The following STK36 variants were observed in gnomAD, a reference collection of about 807,000 sequenced individuals.
STK36 encodes the protein serine/threonine kinase 36.
A neutral mutation model predicts 142.2 loss-of-function variants in STK36; 116 were observed. The ratio of observed to expected loss-of-function variants is 0.82; its 90% CI spans 0.70 to 0.95. The LOEUF is 0.95. Ranked by LOEUF, STK36 falls within the 40% of genes least tolerant of loss-of-function variation. STK36 has a pLI of 0.00. For synonymous variants in STK36, 619 were observed against 641.7 expected (o/e 0.96, Z 0.53); for missense variants, 1,422 against 1,617.2 (o/e 0.88, Z 2.07).
chr2:218,679,905 A>G lies in STK36; in HGVS notation c.961A>G (p.Thr321Ala), dbSNP rs750658966. 4.3e-6 allele frequency: 7 copies of G among 1,613,790 alleles called. No homozygotes were observed. In the African/African-American group the frequency reaches 9.3e-5, roughly 22 times the overall value. ...CTACCTCCCACAGAAACATCAGAAC[A>G]CAGGACCTGCCCTTGAGCAAGAGGA... ...EEAMQKKHQN[T>A]GPALEQEDKT... Residue 321 changes from threonine (T) to alanine (A), a missense_variant, in exon 9 of 27, where the codon ACA becomes GCA. This residue lies in a region of STK36 where 460 missense variants were observed against 449.6 expected (regional missense o/e 1.02). Transcript: ENST00000295709.
In STK36 at chr2:218,698,703, C is replaced by T. The variant is rs1365998648; in HGVS notation, c.3159C>T (p.Asn1053=). ...MDPTSLNQFV[N]TVSASPRTIV... Reference sequence around the variant, plus strand: ...CCACCTCTCTCAACCAGTTTGTGAACACAGTGTCTGCCTCCCCTAGAACCA... The same window carrying T: ...CCACCTCTCTCAACCAGTTTGTGAATACAGTGTCTGCCTCCCCTAGAACCA... Residue 1053 remains asparagine (N), a synonymous_variant, in exon 26 of 27, where the codon AAC becomes AAT. Transcript: ENST00000295709. The T allele has an allele frequency of 6.2e-7, 1 of 1,614,104 alleles. No homozygotes were observed. The highest frequency in any genetic ancestry group is 1.3e-5 in the African/African-American group (1 of 74,936).
intron 6 of STK36, 46 bp downstream of exon 6, chr2:218,676,324 CT>C (rs1940243768): frequency 1.2e-6 from 2 of 1,601,376 alleles, no homozygotes; most frequent in Non-Finnish European, 1.7e-6. Context: ...AGAAATCTGT[CT>C]CCCTCTATCT....
At chr2:218,696,482 C>G in intron 21 of STK36, 45 bp from the exon 22 acceptor site, 1 of 1,571,044 alleles carries the variant, frequency 6.4e-7, no homozygotes, top group Non-Finnish European at 8.8e-7. Flanking sequence ...AACGGACACC[C>G]CATTCCTCTT....
chr2:218,698,533 G>A, intron 25 of STK36, 69 bp from the exon 26 acceptor site: 2 of 1,537,368 alleles, frequency 1.3e-6, no homozygotes, highest in East Asian at 2.3e-5. Context: ...TCTCTCCCAG[G>A]TTTTGGGCTT....
intron 26 of STK36, among the ~76,000 whole-genome samples, chr2:218,700,067 C>T (rs1420311402): frequency 6.6e-6 from 1 of 152,052 alleles, no homozygotes; most frequent in Non-Finnish European, 1.5e-5. Flanking sequence ...GCATTATAGG[C>T]ATGTGCCACC....
At chr2:218,674,034 A>T in intron 4 of STK36, 78 bp downstream of exon 4, 1 of 1,376,980 alleles carries the variant, frequency 7.3e-7, no homozygotes, top group Non-Finnish European at 1.0e-6. Flanking sequence ...AGCTAAGGAC[A>T]CTGAGAGTCT....
intron 22 of STK36, 187 bp downstream of exon 22, chr2:218,696,788 G>T: frequency 1.1e-6 from 1 of 899,454 alleles, no homozygotes; most frequent in African/African-American, 1.6e-5. Context: ...CATTCGCTGC[G>T]TCCCCTGGGA....
At position 218,692,328 on chromosome 2, in the gene STK36, T is replaced by G. The variant is rs773119079; in HGVS notation, c.1915+35T>G. ...GTGGAGAAGGGAGGTTCTCTTGACT[T>G]ACTTGTTGCATAGGTCAGGCTCCGC... On this transcript the variant is annotated intron_variant, in intron 15 of 26. Transcript: ENST00000295709. 26 of 1,612,186 alleles carry G rather than the reference T, an allele frequency of 1.6e-5. No homozygotes were observed. The South Asian group carries it at 2.4e-4, about 15-fold the overall frequency.
In STK36 at chr2:218,694,639, A is replaced by T. The variant is rs1183326645; in HGVS notation, c.2511+4A>T. 3 of 1,613,206 alleles carry T rather than the reference A, an allele frequency of 1.9e-6. No homozygotes were observed. The East Asian group carries it at 6.7e-5, about 36-fold the overall frequency. On this transcript the variant is annotated splice_donor_region_variant and intron_variant, in intron 21 of 26. Transcript: ENST00000295709. The surrounding 1 kb of genome is among the most constrained non-coding windows in gnomAD (Gnocchi z 4.4). The stretch of plus-strand genomic sequence containing the variant: ...TGCCTTGTCTGCCCCTGCAGAGGTG[A>T]GGCCCCCCAGGGAGGGCACAGACAT...
rs760253523 is a variant in STK36 at position 218,688,683 on chromosome 2, C to T, written c.1381-14C>T. On this transcript the variant is annotated splice_polypyrimidine_tract_variant and intron_variant, in intron 11 of 26. Transcript: ENST00000295709. Reference sequence around the variant, plus strand: ...AAAATATCAATCGTTGCCTCTTTCCCTCATGTCACCCAGATCCTGAAAGGC... The same window carrying T: ...AAAATATCAATCGTTGCCTCTTTCCTTCATGTCACCCAGATCCTGAAAGGC... The T allele has an allele frequency of 6.2e-6, 10 of 1,607,904 alleles. No individual in the cohort carries two copies. Among genetic ancestry groups the T allele is most frequent in the African/African-American group, 2.7e-5 (2 of 74,452 alleles).
chr2:218,699,005 T>C lies in STK36; in HGVS notation c.3461T>C (p.Leu1154Pro). The C allele has an allele frequency of 6.2e-7, 1 of 1,614,134 alleles. No individual in the cohort carries two copies. The highest frequency in any genetic ancestry group is 8.5e-7 in the Non-Finnish European group (1 of 1,180,020). Reference sequence around the variant, plus strand: ...GCACTGCAGAGCCAGTCTGGACTGCTCAGCCTTCTGCTGCTTGGGCTTGGA... The same window carrying C: ...GCACTGCAGAGCCAGTCTGGACTGCCCAGCCTTCTGCTGCTTGGGCTTGGA... ...RGALQSQSGL[L>P]SLLLLGLGDK... Residue 1154 changes from leucine (L) to proline (P), a missense_variant, in exon 26 of 27, where the codon CTC (leucine) becomes CCC (proline). Physicochemically the swap from Leu to Pro is moderately conservative, Grantham distance 98 (BLOSUM62 -3). This residue lies in a region of STK36 where 962 missense variants were observed against 1,167.5 expected (regional missense o/e 0.82). Transcript: ENST00000295709.
intron 24 of STK36, 23 bp downstream of exon 24, chr2:218,697,633 C>T (rs1156763404): frequency 2.5e-6 from 4 of 1,612,996 alleles, no homozygotes; most frequent in Non-Finnish European, 2.5e-6. Flanking sequence ...TAGAAGAGAG[C>T]CACAGAGTCA....
chr2:218,690,674 T>G, intron 14 of STK36, 119 bp downstream of exon 14: 1 of 811,134 alleles, frequency 1.2e-6, no homozygotes, highest in South Asian at 1.5e-5. Flanking sequence ...TTTGTTAAAT[T>G]CCCACCATGC....
chr2:218,693,135 A>T, intron 16 of STK36, 105 bp from the exon 17 acceptor site: 1 of 941,324 alleles, frequency 1.1e-6, no homozygotes, highest in Non-Finnish European at 1.6e-6. Flanking sequence ...GAATGTGGGA[A>T]GAGTGACTAG....
rs1246682348 is a variant in STK36 at position 218,697,265 on chromosome 2, G to A, written c.2761+52G>A. The A allele has an allele frequency of 5.1e-6, 8 of 1,572,054 alleles. No homozygotes were observed. The African/African-American group carries it at 1.1e-4, about 21-fold the overall frequency. On this transcript the variant is annotated intron_variant, in intron 23 of 26. Transcript: ENST00000295709. Reference sequence around the variant, plus strand: ...GGAGTGCATTGATCTCTCTTCAAGAGGAGGCAGCCCAGAACTGGGTTAACC... The same window carrying A: ...GGAGTGCATTGATCTCTCTTCAAGAAGAGGCAGCCCAGAACTGGGTTAACC...
At chr2:218,685,869 A>G (rs751139554) in intron 11 of STK36, among the ~76,000 whole-genome samples, 9 of 152,194 alleles carry the variant, frequency 5.9e-5, no homozygotes, top group Non-Finnish European at 7.3e-5. Context: ...AAATTTGCTA[A>G]TTTAAAAACT....
chr2:218,697,438 G>C, intron 23 of STK36, 25 bp from the exon 24 acceptor site: 18 of 1,612,754 alleles, frequency 1.1e-5, no homozygotes, highest in Non-Finnish European at 1.5e-5. Context: ...CTGTTCCATT[G>C]GGTCTCCATT....
intron 16 of STK36, 99 bp downstream of exon 16, chr2:218,692,809 C>A: frequency 6.9e-7 from 1 of 1,447,754 alleles, no homozygotes; most frequent in South Asian, 1.4e-5. Context: ...AGCTTTTAAG[C>A]CCCTCCTTTA....
intron 14 of STK36, among the ~76,000 whole-genome samples, chr2:218,691,344 T>C (rs1210157492): frequency 6.6e-6 from 1 of 152,210 alleles, no homozygotes; most frequent in Admixed American, 6.5e-5. Flanking sequence ...TTTCCTGGTC[T>C]GAGATCCTGT....
Sources: gnomAD v4.1 joint callset for allele counts (sites outside exome capture counted in the v4.1 genomes callset) on GRCh38, gnomAD v4.1.1 for gene constraint, gnomAD v4.1.1 regional missense constraint, Gnocchi (gnomAD v3.1) non-coding constraint, MANE v1.5 for transcripts, NCBI Gene and HGNC (gene_info 2026-07-23, HGNC 2026-07-21) for gene names.